The following CYRIB variants were observed in gnomAD, a reference collection of about 807,000 sequenced individuals.
CYRIB encodes CYFIP related Rac1 interactor B.
A neutral mutation model predicts 44.2 loss-of-function variants in CYRIB; 8 were observed. The observed-to-expected ratio is 0.18, with a 90% CI of 0.11 to 0.33. CYRIB has a LOEUF of 0.33. CYRIB is among the 10% of genes least tolerant of loss of function. The probability of loss-of-function intolerance (pLI) is 1.00; values close to 1 mark genes in which losing one functional copy is unlikely to be tolerated. For synonymous variants in CYRIB, 131 were observed against 127.2 expected (o/e 1.03, Z -0.20); for missense variants, 185 against 382.8 (o/e 0.48, Z 4.31).
chr8:129,850,588 G>C, intron 9 of CYRIB: 1 of 488,486 alleles, frequency 2.0e-6, no homozygotes, highest in Non-Finnish European at 3.6e-6. Flanking sequence ...AGAACTAAGA[G>C]TCTGAGTCAG....
At chr8:129,883,693 G>A (rs1047989155) in intron 2 of CYRIB, among the ~76,000 whole-genome samples, 1 of 152,154 alleles carries the variant, frequency 6.6e-6, no homozygotes, top group African/African-American at 2.4e-5. Context: ...CATCAGCTTA[G>A]GTGGGACCAG....
At chr8:129,974,139 C>G (rs548339818) in intron 1 of CYRIB, among the ~76,000 whole-genome samples, 7 of 152,304 alleles carry the variant, frequency 4.6e-5, no homozygotes, top group African/African-American at 1.7e-4. Context: ...ACACTCCTCC[C>G]CACAGCACTC....
chr8:129,989,656 T>TA (rs2096574773), intron 1 of CYRIB, among the ~76,000 whole-genome samples: 1 of 151,154 alleles, frequency 6.6e-6, no homozygotes, highest in Admixed American at 6.6e-5. Flanking sequence ...TTTTTTTTTT[T>TA]AATTATACTT....
upstream of CYRIB, chr8:129,939,963 C>G (rs893585760): frequency 6.6e-6 from 1 of 152,270 alleles, no homozygotes; most frequent in Admixed American, 6.5e-5. Context: ...CCCGCCCCTC[C>G]CGAAGGGGCG....
chr8:130,007,752 C>T (rs1343714050), intron 1 of CYRIB, among the ~76,000 whole-genome samples: 1 of 151,974 alleles, frequency 6.6e-6, no homozygotes, highest in Non-Finnish European at 1.5e-5. Flanking sequence ...CCATTGCACT[C>T]CAGCCTGGGC....
chr8:129,927,478 TTC>T (rs2088535899), intron 1 of CYRIB, among the ~76,000 whole-genome samples: 1 of 152,186 alleles, frequency 6.6e-6, no homozygotes, highest in South Asian at 2.1e-4. Context: ...AAATAATCAG[TTC>T]TCTCTTAAAG....
At chr8:129,930,088 G>A (rs2090327336) in intron 1 of CYRIB, among the ~76,000 whole-genome samples, 2 of 151,750 alleles carry the variant, frequency 1.3e-5, no homozygotes, top group African/African-American at 2.4e-5. Flanking sequence ...GCGCATGCCT[G>A]TAATCCCAGC....
In CYRIB at chr8:129,849,226, A is replaced by G; in HGVS notation, c.840+17T>C. 2 of 1,577,976 alleles carry G rather than the reference A, an allele frequency of 1.3e-6. No individual in the cohort carries two copies. Among genetic ancestry groups the G allele is most frequent in the South Asian group, 2.4e-5 (2 of 84,450 alleles). On this transcript the variant is annotated intron_variant, in intron 10 of 11. Coordinates refer to ENST00000519824, the Ensembl canonical transcript of CYRIB. ...GAGAAACTCGTTTGAAATTATTTAT[A>G]TAAAACAATAACTTACATCAATTTT... is the stretch of plus-strand genomic sequence containing the variant.
chr8:129,962,593 G>A (rs1034243672), intron 2 of CYRIB, among the ~76,000 whole-genome samples: 7 of 150,574 alleles, frequency 4.6e-5, no homozygotes, highest in African/African-American at 1.7e-4. Context: ...GCTATCATAT[G>A]TCTCCCCTGT....
chr8:129,980,120 T>C (rs2096149726), intron 1 of CYRIB, among the ~76,000 whole-genome samples: 1 of 151,504 alleles, frequency 6.6e-6, no homozygotes, highest in Admixed American at 6.6e-5. Flanking sequence ...TCATGATCTA[T>C]TGCTTACATA....
intron 4 of CYRIB, among the ~76,000 whole-genome samples, chr8:129,863,524 TAAAAAAAA>T (rs768283158): frequency 7.3e-6 from 1 of 137,748 alleles, no homozygotes; most frequent in African/African-American, 2.7e-5. Context: ...GACTCTGTCT[TAAAAAAAA>T]AAAAAAGAAA....
intron 1 of CYRIB, among the ~76,000 whole-genome samples, chr8:129,903,632 A>G (rs1238543719): frequency 2.0e-5 from 3 of 152,210 alleles, no homozygotes; most frequent in African/African-American, 4.8e-5. Context: ...TACGAAGACA[A>G]GTACACAATT....
At chr8:129,974,911 A>C in intron 1 of CYRIB, among the ~76,000 whole-genome samples, 2 of 149,520 alleles carry the variant, frequency 1.3e-5, no homozygotes, top group Non-Finnish European at 1.5e-5. Context: ...TTGAGACGGA[A>C]TCTCGTTCTG....
intron 1 of CYRIB, among the ~76,000 whole-genome samples, chr8:130,006,431 C>T (rs7388128): frequency 0.51 from 74,054 of 146,616 alleles, 20,917 homozygotes; most frequent in African/African-American, 0.78. Flanking sequence ...GCTTGAGCAA[C>T]GTAGCAAGAC....
At chr8:129,912,102 C>T (rs534486252) in intron 1 of CYRIB, among the ~76,000 whole-genome samples, 1 of 152,268 alleles carries the variant, frequency 6.6e-6, no homozygotes, top group East Asian at 1.9e-4. Flanking sequence ...ATCTACCCCA[C>T]ATGTTCAAAC....
chr8:129,862,116 A>G lies in CYRIB; in HGVS notation c.301+113T>C, dbSNP rs147702228. ...GTCTAACAAGCTTGCTTTACTTATA[A>G]AACAGATACTAAGCCAAATTCAGCA... On this transcript the variant is annotated intron_variant, in intron 5 of 11. Coordinates refer to ENST00000519824, the Ensembl canonical transcript of CYRIB. 1.1e-4 allele frequency: 82 copies of G among 725,024 alleles called. No individual in the cohort carries two copies. In the Middle Eastern group the frequency reaches 1.9e-3, roughly 17 times the overall value. The allele number at this position is 725,024 out of a possible 1,614,324, so 44.9% of individuals were successfully genotyped here.
intron 2 of CYRIB, among the ~76,000 whole-genome samples, chr8:129,959,321 A>G (rs1209346800): frequency 6.6e-6 from 1 of 152,150 alleles, no homozygotes; most frequent in Non-Finnish European, 1.5e-5. Context: ...ACTGCCTGCA[A>G]GCAACTCCAG....
chr8:129,967,541 G>A (rs1402518399), intron 2 of CYRIB, among the ~76,000 whole-genome samples: 2 of 151,814 alleles, frequency 1.3e-5, no homozygotes, highest in East Asian at 1.9e-4. Flanking sequence ...CACCATGCCC[G>A]GCTAATTTTT....
At chr8:129,954,856 T>C (rs2094708765) in intron 2 of CYRIB, among the ~76,000 whole-genome samples, 1 of 152,226 alleles carries the variant, frequency 6.6e-6, no homozygotes, top group Non-Finnish European at 1.5e-5. Context: ...TGGTATCTGG[T>C]GTGATCTTTC....
Sources: gnomAD v4.1 joint callset for allele counts (sites outside exome capture counted in the v4.1 genomes callset) on GRCh38, gnomAD v4.1.1 for gene constraint, MANE v1.5 for transcripts, NCBI Gene and HGNC (gene_info 2026-07-23, HGNC 2026-07-21) for gene names.